The following KCNB2 variants were observed in gnomAD, a reference collection of about 807,000 sequenced individuals.
The protein encoded by KCNB2 is delayed rectifier potassium channel protein.
Under a neutral mutation model 61.5 loss-of-function variants are expected in KCNB2, and 15 were observed. The observed-to-expected ratio is 0.24, with a 90% CI of 0.16 to 0.38. The LOEUF (loss-of-function observed/expected upper bound fraction) is 0.38. Ranked by LOEUF, KCNB2 falls within the 10% of genes least tolerant of loss-of-function variation. The probability of loss-of-function intolerance (pLI) is 1.00; values close to 1 mark genes in which losing one functional copy is unlikely to be tolerated. For synonymous variants in KCNB2, 457 were observed against 446.0 expected (o/e 1.02, Z -0.31); for missense variants, 828 against 1,125.2 (o/e 0.74, Z 3.78).
At chr8:72,618,726 G>A (rs556831250) in intron 2 of KCNB2, 88 of 164,356 alleles carry the variant, frequency 5.4e-4, no homozygotes, top group African/African-American at 1.9e-3. Context: ...CTCTGGTCAC[G>A]GTTCCATTTT....
At chr8:72,693,875 A>G (rs1315705923) in intron 2 of KCNB2, among the ~76,000 whole-genome samples, 4 of 152,170 alleles carry the variant, frequency 2.6e-5, no homozygotes, top group Non-Finnish European at 5.9e-5. Context: ...CTAAATCTGG[A>G]TTTCCCTCAA....
intron 2 of KCNB2, among the ~76,000 whole-genome samples, chr8:72,640,052 T>A (rs1806031229): frequency 6.6e-6 from 1 of 151,738 alleles, no homozygotes; most frequent in South Asian, 2.1e-4. Flanking sequence ...ATTGCATGAG[T>A]CTAGCATTAT....
intron 2 of KCNB2, among the ~76,000 whole-genome samples, chr8:72,840,552 C>T (rs569503904): frequency 8.5e-5 from 13 of 152,214 alleles, no homozygotes; most frequent in Admixed American, 2.0e-4. Flanking sequence ...TATTTCTCCA[C>T]GTCCTCTCCA....
At chr8:72,711,013 G>A (rs1188269909) in intron 2 of KCNB2, among the ~76,000 whole-genome samples, 1 of 152,216 alleles carries the variant, frequency 6.6e-6, no homozygotes, top group African/African-American at 2.4e-5. Context: ...GTGATGGCAA[G>A]GATTTGTTTC....
At chr8:72,914,720 A>G (rs1806359930) in intron 2 of KCNB2, among the ~76,000 whole-genome samples, 1 of 152,208 alleles carries the variant, frequency 6.6e-6, no homozygotes, top group South Asian at 2.1e-4. Flanking sequence ...AATTCAGCCA[A>G]CTATTGAGAT....
intron 2 of KCNB2, among the ~76,000 whole-genome samples, chr8:72,602,965 A>G (rs79147873): frequency 6.6e-6 from 1 of 151,838 alleles, no homozygotes; most frequent in African/African-American, 2.4e-5. Context: ...AAAAAAAAAA[A>G]GGCGGCATGC....
At chr8:72,671,991 A>G (rs1000660461) in intron 2 of KCNB2, among the ~76,000 whole-genome samples, 1 of 152,168 alleles carries the variant, frequency 6.6e-6, no homozygotes, top group Non-Finnish European at 1.5e-5. Flanking sequence ...CTCATGGGCT[A>G]AATAAATGGA....
rs1806917992 is a variant in KCNB2, at chr8:72,936,975, G to A, written c.1620G>A (p.Leu540=). The change falls in exon 3 of 3, where the codon CTG becomes CTA. Residue 540 remains leucine, a synonymous_variant. Coordinates refer to ENST00000523207, the MANE Select transcript of KCNB2 (RefSeq NM_004770.3). This position sits in a 1 kb window ranked among gnomAD's most constrained non-coding sequence, Gnocchi z 5.6. The stretch of plus-strand genomic sequence containing the variant: ...CACAGCATCTGAGTGCCCAGAAACT[G>A]GAGATGCTATACAATGAAATCACCA... The part of the protein sequence containing the change: ...SSPQHLSAQK[L]EMLYNEITKT... 6.2e-7 allele frequency: 1 copy of A among 1,614,174 alleles called. No homozygotes were observed. Among genetic ancestry groups the A allele is most frequent in the Non-Finnish European group, 8.5e-7 (1 of 1,180,030 alleles).
At chr8:72,808,735 C>G (rs770379038) in intron 2 of KCNB2, among the ~76,000 whole-genome samples, 1 of 152,112 alleles carries the variant, frequency 6.6e-6, no homozygotes, top group African/African-American at 2.4e-5. Context: ...CACCCCACCC[C>G]CAAGCCAGCT....
chr8:72,899,536 A>G (rs372988945), intron 2 of KCNB2, among the ~76,000 whole-genome samples: 1 of 152,348 alleles, frequency 6.6e-6, no homozygotes, highest in African/African-American at 2.4e-5. Flanking sequence ...AAGTTTCAGG[A>G]TATCAAATCA....
At chr8:72,743,505 G>A (rs1808002204) in intron 2 of KCNB2, among the ~76,000 whole-genome samples, 1 of 152,198 alleles carries the variant, frequency 6.6e-6, no homozygotes, top group Non-Finnish European at 1.5e-5. Flanking sequence ...TCAAAAGACT[G>A]TATTGGATGG....
At chr8:72,894,067 A>G (rs1805945962) in intron 2 of KCNB2, among the ~76,000 whole-genome samples, 1 of 152,186 alleles carries the variant, frequency 6.6e-6, no homozygotes, top group African/African-American at 2.4e-5. Context: ...TCTCAAAGTG[A>G]TAAATACTAT....
intron 2 of KCNB2, among the ~76,000 whole-genome samples, chr8:72,825,839 C>G (rs1029455843): frequency 7.9e-5 from 12 of 152,096 alleles, no homozygotes; most frequent in African/African-American, 2.9e-4. Context: ...TTCTCCTGCT[C>G]CATGGGTTCT....
At chr8:72,917,429 T>G (rs1806422656) in intron 2 of KCNB2, among the ~76,000 whole-genome samples, 1 of 152,202 alleles carries the variant, frequency 6.6e-6, no homozygotes, top group South Asian at 2.1e-4. Flanking sequence ...AATAGAGAAT[T>G]TATGCTGTTA....
chr8:72,665,589 A>G (rs1210761576), intron 2 of KCNB2, among the ~76,000 whole-genome samples: 2 of 121,250 alleles, frequency 1.6e-5, no homozygotes, highest in South Asian at 2.9e-4. Context: ...CTTATTCACC[A>G]TTATACCCTC....
At chr8:72,933,449 A>G (rs1413600786) in intron 2 of KCNB2, among the ~76,000 whole-genome samples, 1 of 152,228 alleles carries the variant, frequency 6.6e-6, no homozygotes, top group Non-Finnish European at 1.5e-5. Context: ...ATGTCAGTAA[A>G]ATGCATTCAA....
chr8:72,658,262 A>G (rs1806322495), intron 2 of KCNB2, among the ~76,000 whole-genome samples: 1 of 152,172 alleles, frequency 6.6e-6, no homozygotes, highest in African/African-American at 2.4e-5. Flanking sequence ...TAATAAGAAA[A>G]AGAAACAACT....
At chr8:72,825,286 C>T (rs1809578913) in intron 2 of KCNB2, among the ~76,000 whole-genome samples, 2 of 152,082 alleles carry the variant, frequency 1.3e-5, no homozygotes, top group South Asian at 2.1e-4. Flanking sequence ...TTTTGTCTAC[C>T]CATTCTTCCA....
At chr8:72,828,392 G>A (rs1193427771) in intron 2 of KCNB2, among the ~76,000 whole-genome samples, 2 of 152,252 alleles carry the variant, frequency 1.3e-5, no homozygotes, top group Non-Finnish European at 1.5e-5. Context: ...TTCATGCTAT[G>A]AGGCCATTCA....
Sources: gnomAD v4.1 joint callset for allele counts (sites outside exome capture counted in the v4.1 genomes callset) on GRCh38, gnomAD v4.1.1 for gene constraint, Gnocchi (gnomAD v3.1) non-coding constraint, MANE v1.5 for transcripts, NCBI Gene and HGNC (gene_info 2026-07-23, HGNC 2026-07-21) for gene names.